Variants in BTBD8 observed in about 807,000 individuals in gnomAD.
BTBD8 encodes BTB domain containing 8.
BTBD8 carries 110 observed loss-of-function variants against 162.9 expected under a neutral mutation model. That is an observed-to-expected ratio of 0.68 (90% CI 0.58 to 0.79). BTBD8 has a LOEUF of 0.79. Ranked by LOEUF, BTBD8 falls within the 30% of genes least tolerant of loss-of-function variation. The pLI is 0.00. For missense variants in BTBD8, 1,905 were observed against 2,085.4 expected (o/e 0.91, Z 1.68); for synonymous variants, 667 against 716.1 (o/e 0.93, Z 1.10).
At chr1:92,120,323 A>G (rs985268414) in intron 4 of BTBD8, among the ~76,000 whole-genome samples, 1 of 152,200 alleles carries the variant, frequency 6.6e-6, no homozygotes, top group Admixed American at 6.5e-5. Context: ...TTCCGCCTCC[A>G]CATCATGTCC....
chr1:92,166,773 C>T (rs1256198889), intron 9 of BTBD8, among the ~76,000 whole-genome samples, 185 bp from the exon 10 acceptor site: 1 of 151,956 alleles, frequency 6.6e-6, no homozygotes, highest in Non-Finnish European at 1.5e-5. Context: ...CAAACTTTAC[C>T]CTTTTGAATA....
intron 12 of BTBD8, among the ~76,000 whole-genome samples, chr1:92,170,310 A>T (rs1431456659): frequency 1.3e-5 from 2 of 152,156 alleles, no homozygotes; most frequent in Non-Finnish European, 2.9e-5. Flanking sequence ...AATCTTAAAT[A>T]AGTTGAATTA....
At chr1:92,119,270 A>G (rs935372691) in intron 4 of BTBD8, among the ~76,000 whole-genome samples, 1 of 150,936 alleles carries the variant, frequency 6.6e-6, no homozygotes, top group Non-Finnish European at 1.5e-5. Context: ...TAGCTGTACA[A>G]ATTTTTTTCT....
intron 9 of BTBD8, among the ~76,000 whole-genome samples, chr1:92,163,358 A>G (rs1650312292): frequency 7.0e-6 from 1 of 143,832 alleles, no homozygotes; most frequent in African/African-American, 2.6e-5. Context: ...CTGTCTCAAA[A>G]AAAAAAAAAA....
chr1:92,125,131 T>C (rs1202508517), intron 4 of BTBD8, among the ~76,000 whole-genome samples: 4 of 152,162 alleles, frequency 2.6e-5, no homozygotes, highest in African/African-American at 9.7e-5. Flanking sequence ...ATAGTTTCCA[T>C]TGTTGTTAAT....
rs578099434 is a variant in BTBD8, at chr1:92,080,862, G to C, written c.149+142G>C. ...TCAGGCGACTGCGGGTCGTTAGCCA[G>C]TCTCCCCACTATTCCGAAAAGTGGC... On this transcript the variant is annotated intron_variant, in intron 1 of 17. Transcript: ENST00000636805. The C allele has an allele frequency of 2.3e-6, 3 of 1,324,632 alleles. No individual in the cohort carries two copies. The South Asian group carries it at 4.2e-5, about 18-fold the overall frequency. The allele number at this position is 1,324,632 out of a possible 1,614,324, so 82.1% of individuals were successfully genotyped here. A position where few individuals can be genotyped will look rare whatever the true frequency, so the allele number is the denominator to read the frequency against.
At chr1:92,091,114 A>G (rs1297625483) in intron 2 of BTBD8, among the ~76,000 whole-genome samples, 1 of 152,020 alleles carries the variant, frequency 6.6e-6, no homozygotes, top group Non-Finnish European at 1.5e-5. Context: ...CCAGTGTTGG[A>G]GGAGGGGCCT....
intron 17 of BTBD8, 95 bp downstream of exon 17, chr1:92,182,690 A>G: frequency 1.4e-6 from 1 of 695,814 alleles, no homozygotes; most frequent in Non-Finnish European, 2.2e-6. Flanking sequence ...TTTTAGTCAG[A>G]TAGAATAATT....
intron 5 of BTBD8, among the ~76,000 whole-genome samples, chr1:92,137,072 T>C (rs1181831809): frequency 6.6e-6 from 1 of 152,064 alleles, no homozygotes; most frequent in Non-Finnish European, 1.5e-5. Context: ...TGCTAAGACA[T>C]GGATGTATAA....
Position 92,167,990 on chromosome 1 carries a change from T to G in BTBD8, c.1443+5T>G. ...TCTGACAGTACAAAGGAAATGGTAC[T>G]GAATGTAATGAAATTTATTAAAATA... On this transcript the variant is annotated splice_donor_5th_base_variant and intron_variant, in intron 11 of 17. Transcript: ENST00000636805. 6.5e-7 allele frequency: 1 copy of G among 1,527,184 alleles called. No individual in the cohort carries two copies. Among genetic ancestry groups the G allele is most frequent in the South Asian group, 1.3e-5 (1 of 78,782 alleles). The allele number at this position is 1,527,184 out of a possible 1,614,324, so 94.6% of individuals were successfully genotyped here.
chr1:92,125,432 G>T, intron 4 of BTBD8: 1 of 295,600 alleles, frequency 3.4e-6, no homozygotes, highest in East Asian at 8.9e-5. Context: ...TGCTCAACCC[G>T]AGGGACTAAT....
chr1:92,177,052 C>A lies in BTBD8; in HGVS notation c.1859C>A (p.Thr620Lys). The A allele has an allele frequency of 1.9e-6, 3 of 1,550,708 alleles. No homozygotes were observed. The South Asian group carries it at 3.6e-5, about 18-fold the overall frequency. The change falls in exon 14 of 18, where the codon ACA becomes AAA. Residue 620 changes from threonine to lysine, a missense_variant. Physicochemically the swap from Thr to Lys is moderately conservative, Grantham distance 78 (BLOSUM62 -1). This residue lies in a region of BTBD8 where 1,374 missense variants were observed against 1,442.7 expected (regional missense o/e 0.95). Transcript: ENST00000636805. ...KDGTKIASKITKELKTGGKNV... is the reference protein window; with the variant it reads ...KDGTKIASKIKKELKTGGKNV... ...GGTACAAAAATAGCATCTAAGATTA[C>A]AAAAGAACTAAAAACTGGGGGAAAA...
At chr1:92,150,778 A>C (rs901777615) in intron 9 of BTBD8, 14 of 152,198 alleles carry the variant, frequency 9.2e-5, no homozygotes, top group African/African-American at 3.1e-4. Context: ...GTGGGAGGAA[A>C]CTGGAGTGTC....
chr1:92,173,596 A>G (rs1291907610), intron 13 of BTBD8, among the ~76,000 whole-genome samples: 1 of 152,200 alleles, frequency 6.6e-6, no homozygotes, highest in African/African-American at 2.4e-5. Context: ...GTGGTTGTCT[A>G]AGTCTTTTTT....
intron 9 of BTBD8, among the ~76,000 whole-genome samples, chr1:92,148,228 A>G (rs565025867): frequency 2.6e-5 from 4 of 152,282 alleles, no homozygotes; most frequent in African/African-American, 7.2e-5. Flanking sequence ...TCACTGAAAA[A>G]AACATTTGCT....
chr1:92,168,996 G>T lies in BTBD8; in HGVS notation c.1573+1G>T. 6.6e-7 allele frequency: 1 copy of T among 1,524,256 alleles called. No individual in the cohort carries two copies. The allele number at this position is 1,524,256 out of a possible 1,614,324, so 94.4% of individuals were successfully genotyped here. On this transcript the variant is annotated splice_donor_variant, in intron 12 of 17. Coordinates refer to ENST00000636805, the MANE Select transcript of BTBD8 (RefSeq NM_001376131.1). LOFTEE classifies it high-confidence loss of function. ...GATGATCAACAGAAAATCCAAGCAG[G>T]TACGTTAGCCTTGAGATATTTCAAT...
chr1:92,128,579 T>G (rs1436072430), intron 4 of BTBD8, among the ~76,000 whole-genome samples: 2 of 150,440 alleles, frequency 1.3e-5, no homozygotes, highest in East Asian at 3.9e-4. Flanking sequence ...CGCCCGGCCA[T>G]TTTTTTGTAT....
chr1:92,172,995 G>A (rs894086694), intron 13 of BTBD8, among the ~76,000 whole-genome samples: 5 of 152,028 alleles, frequency 3.3e-5, no homozygotes, highest in East Asian at 1.9e-4. Flanking sequence ...GCATGATCTC[G>A]GCTCACCACA....
intron 4 of BTBD8, among the ~76,000 whole-genome samples, chr1:92,108,927 G>A (rs191384780): frequency 2.0e-4 from 30 of 152,214 alleles, no homozygotes; most frequent in Non-Finnish European, 3.2e-4. Context: ...ATTAGCAGTG[G>A]GTTTAGGTTA....
Sources: gnomAD v4.1 joint callset for allele counts (sites outside exome capture counted in the v4.1 genomes callset) on GRCh38, gnomAD v4.1.1 for gene constraint, gnomAD v4.1.1 regional missense constraint, MANE v1.5 for transcripts, NCBI Gene and HGNC (gene_info 2026-07-23, HGNC 2026-07-21) for gene names.